SUSD6: variants seen among roughly 807,000 people sequenced by gnomAD.
SUSD6 encodes the protein sushi domain-containing protein 6.
Under a neutral mutation model 28.4 loss-of-function variants are expected in SUSD6, and 16 were observed. The ratio of observed to expected loss-of-function variants is 0.56; its 90% CI spans 0.38 to 0.86. The LOEUF (loss-of-function observed/expected upper bound fraction) is 0.86. Among genes scored for constraint, SUSD6 ranks in the 40% least tolerant of loss-of-function variants. The pLI is 0.00. For synonymous variants in SUSD6, 147 were observed against 159.6 expected, an observed-to-expected ratio of 0.92 and a Z score of 0.59; for missense variants, 341 against 384.2, an observed-to-expected ratio of 0.89 and a Z score of 0.94.
intron 1 of SUSD6, 108 bp downstream of exon 1, chr14:69,611,936 C>T (rs530707390): frequency 1.3e-5 from 2 of 151,102 alleles, no homozygotes; most frequent in Non-Finnish European, 3.0e-5. Context: ...AGGAGTGACG[C>T]TGGCCGGAGC....
chr14:69,708,615 C>A, intron 4 of SUSD6, 62 bp from the exon 5 acceptor site: 2 of 1,355,028 alleles, frequency 1.5e-6, no homozygotes, highest in Non-Finnish European at 2.0e-6. Flanking sequence ...TTATTATTAT[C>A]ATGCCTGTTT....
At chr14:69,678,989 G>A (rs61498582) in intron 2 of SUSD6, among the ~76,000 whole-genome samples, 4,536 of 152,198 alleles carry the variant, frequency 0.03, 240 homozygotes, top group African/African-American at 0.1. Flanking sequence ...AATTGTACCA[G>A]TTTACACTAC....
intron 1 of SUSD6, among the ~76,000 whole-genome samples, chr14:69,635,726 A>G (rs1470661455): frequency 2.0e-5 from 3 of 152,124 alleles, no homozygotes; most frequent in Non-Finnish European, 4.4e-5. Flanking sequence ...CCTTTGTTGT[A>G]CGAGACCAAA....
chr14:69,612,352 C>G (rs575574428), intron 1 of SUSD6, among the ~76,000 whole-genome samples: 1 of 152,340 alleles, frequency 6.6e-6, no homozygotes, highest in African/African-American at 2.4e-5. Context: ...CGGGAGCCCC[C>G]GCGCCTCGGC....
At chr14:69,639,313 CAAAA>C (rs57837741) in intron 1 of SUSD6, among the ~76,000 whole-genome samples, 2 of 54,604 alleles carry the variant, frequency 3.7e-5, no homozygotes, top group Admixed American at 2.7e-4. Flanking sequence ...GACTCCGTCT[CAAAA>C]AAAAAAAAAA....
chr14:69,630,828 C>G (rs182106035), intron 1 of SUSD6, among the ~76,000 whole-genome samples: 1 of 152,152 alleles, frequency 6.6e-6, no homozygotes, highest in African/African-American at 2.4e-5. Context: ...CAACTTCTAG[C>G]CAAGTTGTTT....
intron 2 of SUSD6, chr14:69,670,550 A>G (rs1192310730): frequency 2.2e-6 from 1 of 456,022 alleles, no homozygotes; most frequent in East Asian, 7.0e-5. Flanking sequence ...TGGCATAGTC[A>G]GGTGAAGAAG....
intron 2 of SUSD6, among the ~76,000 whole-genome samples, chr14:69,694,575 G>C (rs910794752): frequency 6.6e-6 from 1 of 152,194 alleles, no homozygotes; most frequent in Non-Finnish European, 1.5e-5. Flanking sequence ...TTTCAGTTCA[G>C]GGTTTCTAGG....
chr14:69,649,701 C>T (rs1885476492), intron 1 of SUSD6, among the ~76,000 whole-genome samples: 1 of 152,134 alleles, frequency 6.6e-6, no homozygotes, highest in African/African-American at 2.4e-5. Flanking sequence ...CTGTGAGTGG[C>T]CTTCGGGGAG....
At chr14:69,703,264 C>T (rs1886337454) in intron 2 of SUSD6, 131 bp from the exon 3 acceptor site, 2 of 747,794 alleles carry the variant, frequency 2.7e-6, no homozygotes, top group Non-Finnish European at 4.4e-6. Flanking sequence ...GTTTGGTTAA[C>T]AGTTCCTCCA....
At chr14:69,625,328 G>C (rs1246402296) in intron 1 of SUSD6, among the ~76,000 whole-genome samples, 1 of 152,232 alleles carries the variant, frequency 6.6e-6, no homozygotes, top group South Asian at 2.1e-4. Flanking sequence ...TCCTCACTAT[G>C]CTTGAAGAGA....
intron 1 of SUSD6, 144 bp downstream of exon 1, chr14:69,611,972 C>G (rs1884881627): frequency 6.7e-6 from 1 of 149,786 alleles, no homozygotes; most frequent in East Asian, 1.9e-4. Context: ...CGGCTCCCCG[C>G]GCTTCTCTGC....
At chr14:69,691,610 A>G (rs1483042127) in intron 2 of SUSD6, among the ~76,000 whole-genome samples, 1 of 152,132 alleles carries the variant, frequency 6.6e-6, no homozygotes, top group Non-Finnish European at 1.5e-5. Flanking sequence ...GAGGCTGTTT[A>G]TTTCAGGCTT....
At chr14:69,684,435 AT>A (rs1886042194) in intron 2 of SUSD6, among the ~76,000 whole-genome samples, 1 of 152,220 alleles carries the variant, frequency 6.6e-6, no homozygotes, top group African/African-American at 2.4e-5. Context: ...TTTGAGAGAG[AT>A]TCTATCAGTG....
intron 1 of SUSD6, among the ~76,000 whole-genome samples, chr14:69,629,764 G>A (rs35983128): frequency 0.021 from 3,147 of 152,350 alleles, 58 homozygotes; most frequent in Middle Eastern, 0.041. Context: ...CAACCCTAAA[G>A]TCAGTGCAAT....
At chr14:69,627,107 AT>A (rs1885125987) in intron 1 of SUSD6, among the ~76,000 whole-genome samples, 1 of 152,240 alleles carries the variant, frequency 6.6e-6, no homozygotes, top group South Asian at 2.1e-4. Context: ...AAGAATGTTC[AT>A]TGGAAAAGAA....
chr14:69,709,119 C>A lies in SUSD6; in HGVS notation c.886+15C>A. 1.3e-6 allele frequency: 2 copies of A among 1,546,194 alleles called. No homozygotes were observed. Among genetic ancestry groups the A allele is most frequent in the Admixed American group, 2.0e-5 (1 of 50,828 alleles). On this transcript the variant is annotated intron_variant, in intron 5 of 5. Coordinates refer to ENST00000342745, the MANE Select transcript of SUSD6 (RefSeq NM_014734.4). ...GTACACAGATGGTGAGTGGTCCAAG[C>A]TGAACATGAATTATTAGCTGCTTAG...
At chr14:69,614,903 A>G (rs1366117229) in intron 1 of SUSD6, among the ~76,000 whole-genome samples, 1 of 152,228 alleles carries the variant, frequency 6.6e-6, no homozygotes, top group African/African-American at 2.4e-5. Flanking sequence ...CATTGGGCCC[A>G]GGTTGTGTAA....
chr14:69,671,882 C>T (rs959086633), intron 2 of SUSD6, among the ~76,000 whole-genome samples: 3 of 152,190 alleles, frequency 2.0e-5, no homozygotes, highest in African/African-American at 7.2e-5. Context: ...GTTCAACTGG[C>T]TCCTCTCTCT....
Sources: allele counts gnomAD v4.1 joint callset (sites outside exome capture counted in the v4.1 genomes callset), GRCh38; gene constraint gnomAD v4.1.1; transcripts MANE v1.5; gene names NCBI Gene and HGNC (gene_info 2026-07-23, HGNC 2026-07-21).